The following UGT1A10 variants were observed in gnomAD, a reference collection of about 807,000 sequenced individuals.
The protein encoded by UGT1A10 is UDP-glucuronosyltransferase 1A10.
UGT1A10 carries 49 observed loss-of-function variants against 45.8 expected under a neutral mutation model. That is an observed-to-expected ratio of 1.07 (90% CI 0.85 to 1.36). UGT1A10 has a LOEUF of 1.36. UGT1A10 is among the 40% of genes most tolerant of loss of function. The pLI is 0.00. For synonymous variants in UGT1A10, 284 were observed against 249.7 expected, an observed-to-expected ratio of 1.14 and a Z score of -1.29; for missense variants, 745 against 668.6, an observed-to-expected ratio of 1.11 and a Z score of -1.26.
chr2:233,732,686 C>T (rs1472057155), intron 1 of UGT1A10, among the ~76,000 whole-genome samples: 1 of 151,722 alleles, frequency 6.6e-6, no homozygotes, highest in African/African-American at 2.4e-5. Flanking sequence ...GGTACCAGCA[C>T]CCATGCTGTT....
intron 1 of UGT1A10, among the ~76,000 whole-genome samples, chr2:233,662,551 T>A (rs1333378441): frequency 6.6e-6 from 1 of 152,224 alleles, no homozygotes; most frequent in Non-Finnish European, 1.5e-5. Flanking sequence ...TTTGTTGGAA[T>A]TTCCCCATAG....
intron 1 of UGT1A10, chr2:233,729,068 A>C: frequency 6.2e-7 from 1 of 1,611,394 alleles, no homozygotes. Context: ...AGATGAAGAA[A>C]GCAAATGTAG....
intron 1 of UGT1A10, among the ~76,000 whole-genome samples, chr2:233,765,077 C>T (rs1698745230): frequency 6.6e-6 from 1 of 152,130 alleles, no homozygotes; most frequent in South Asian, 2.1e-4. Context: ...TCCTGTGTCT[C>T]ACATCTAGGG....
intron 1 of UGT1A10, among the ~76,000 whole-genome samples, 196 bp from the exon 2 acceptor site, chr2:233,766,838 C>CCCTTCCTCCTTTAGAAG (rs1182719018): frequency 3.9e-5 from 6 of 152,156 alleles, no homozygotes; most frequent in African/African-American, 1.2e-4. Context: ...TAAGCAGGAA[C>CCCTTCCTCCTTTAGAAG]CCTTCCTCCT....
intron 1 of UGT1A10, among the ~76,000 whole-genome samples, chr2:233,739,944 C>A (rs937638963): frequency 6.6e-6 from 1 of 151,864 alleles, no homozygotes; most frequent in Non-Finnish European, 1.5e-5. Context: ...AGGTTGGTAC[C>A]TGGTGGGAGC....
chr2:233,648,890 T>C lies in UGT1A10; in HGVS notation c.855+11513T>C, dbSNP rs184840282. ...TCTGAAATTCTCCAAACACCTGTCATGGCATATGATCTCTACAGCCACACA... is the reference window on the plus strand; with the variant it reads ...TCTGAAATTCTCCAAACACCTGTCACGGCATATGATCTCTACAGCCACACA... On this transcript the variant is annotated intron_variant, in intron 1 of 4. Transcript: ENST00000344644. The C allele has an allele frequency of 5.2e-3, 6,847 of 1,307,478 alleles. 95 individuals are homozygous for C. The highest frequency in any genetic ancestry group is 6.8e-3 in the Non-Finnish European group (6,300 of 921,502). The allele number at this position is 1,307,478 out of a possible 1,614,324, so 81.0% of individuals were successfully genotyped here.
At chr2:233,751,528 T>C (rs1694749369) in intron 1 of UGT1A10, among the ~76,000 whole-genome samples, 1 of 152,240 alleles carries the variant, frequency 6.6e-6, no homozygotes, top group Admixed American at 6.5e-5. Context: ...ATGATATGGT[T>C]TGACTCTGTG....
chr2:233,724,617 C>G (rs553228713), intron 1 of UGT1A10, among the ~76,000 whole-genome samples: 1 of 135,362 alleles, frequency 7.4e-6, no homozygotes, highest in South Asian at 2.8e-4. Flanking sequence ...CGGGCAGAGA[C>G]GCTCCTCACT....
rs562366711 is a variant in UGT1A10 at position 233,731,551 on chromosome 2, T to C, written c.856-35483T>C. On this transcript the variant is annotated intron_variant, in intron 1 of 4. Transcript: ENST00000344644. The stretch of plus-strand genomic sequence containing the variant: ...CATGCGGTGTTTGGTTTTCTGTCCA[T>C]GTGATAGTTTGCTGAGAATGATGGT... 4.6e-5 allele frequency among the ~76,000 whole-genome samples: 7 copies of C among 152,330 alleles called. 1 individual carries two copies. In the East Asian group the frequency reaches 1.4e-3, roughly 29 times the overall value.
chr2:233,666,632 GTTTTTATTTTTTTA>G (rs1254980431), intron 1 of UGT1A10, among the ~76,000 whole-genome samples: 2 of 151,074 alleles, frequency 1.3e-5, no homozygotes, highest in Non-Finnish European at 3.0e-5. Flanking sequence ...TTGTTTGTTT[GTTTTTATTTTTTTA>G]TTTTTATTTT....
At chr2:233,688,266 T>C (rs1419667563) in intron 1 of UGT1A10, among the ~76,000 whole-genome samples, 1 of 152,266 alleles carries the variant, frequency 6.6e-6, no homozygotes, top group African/African-American at 2.4e-5. Flanking sequence ...CATGGCCGAA[T>C]ATTCCATTGT....
intron 1 of UGT1A10, among the ~76,000 whole-genome samples, chr2:233,649,440 G>A (rs752663272): frequency 6.6e-6 from 1 of 152,168 alleles, no homozygotes; most frequent in East Asian, 1.9e-4. Context: ...ACTACCTGCT[G>A]CAGTAAAATG....
intron 1 of UGT1A10, among the ~76,000 whole-genome samples, chr2:233,680,356 G>A (rs76604620): frequency 4.1e-4 from 63 of 152,284 alleles, no homozygotes; most frequent in Non-Finnish European, 8.4e-4. Context: ...CATATCACAT[G>A]CATTTAGGCC....
intron 1 of UGT1A10, among the ~76,000 whole-genome samples, chr2:233,651,821 A>G (rs1281933332): frequency 6.6e-6 from 1 of 152,204 alleles, no homozygotes; most frequent in African/African-American, 2.4e-5. Context: ...GTGCATGCAC[A>G]CATGTGTCAG....
intron 1 of UGT1A10, among the ~76,000 whole-genome samples, chr2:233,649,965 T>C (rs2073698440): frequency 6.6e-6 from 1 of 152,028 alleles, no homozygotes; most frequent in Non-Finnish European, 1.5e-5. Context: ...TACTTCAAGG[T>C]TTTTTGTTTG....
chr2:233,737,815 G>A lies in UGT1A10; in HGVS notation c.856-29219G>A, dbSNP rs147002980. Among the ~76,000 whole-genome samples, 731 of 152,128 alleles carry A rather than the reference G, an allele frequency of 4.8e-3. 11 individuals carry two copies. The highest frequency in any genetic ancestry group is 0.017 in the African/African-American group (690 of 41,476). On this transcript the variant is annotated intron_variant, in intron 1 of 4. Coordinates refer to ENST00000344644, the MANE Select transcript of UGT1A10 (RefSeq NM_019075.4). ...AAATCTTCACTATCATCTCAGTGGA[G>A]CAGAACAAATTGGGAACTGTGGCAC...
chr2:233,694,710 C>T (rs934435713), intron 1 of UGT1A10, among the ~76,000 whole-genome samples: 1 of 152,132 alleles, frequency 6.6e-6, no homozygotes, highest in African/African-American at 2.4e-5. Flanking sequence ...TTCTTTACAC[C>T]TGCTGATTTC....
In UGT1A10 at chr2:233,716,496, CA is replaced by C. The variant is rs1188662406; in HGVS notation, c.856-50537del. On this transcript the variant is annotated intron_variant, in intron 1 of 4. Transcript: ENST00000344644. Reference sequence around the variant, plus strand: ...CTGTCCTCCGTAGTCTTCTATTCTCCAGGCTTCAGAGCTCTCAGCTTACCAT... The same window carrying C: ...CTGTCCTCCGTAGTCTTCTATTCTCCGGCTTCAGAGCTCTCAGCTTACCAT... Among the ~76,000 whole-genome samples the C allele has an allele frequency of 2.0e-5, 3 of 152,150 alleles. No individual in the cohort carries two copies. In the East Asian group the frequency reaches 5.8e-4, roughly 29 times the overall value.
Position 233,691,144 on chromosome 2 carries a change from G to C in UGT1A10, c.855+53767G>C, listed in dbSNP as rs946749152. 3 of 985,646 alleles carry C rather than the reference G, an allele frequency of 3.0e-6. No homozygotes were observed. The African/African-American group carries it at 5.2e-5, about 17-fold the overall frequency. The allele number at this position is 985,646 out of a possible 1,614,324, so 61.1% of individuals were successfully genotyped here. ...AAGCCATTCTTCCTCTAGATGAACT[G>C]TTCTTTGAAGGAAACCTGCCTAATG... On this transcript the variant is annotated intron_variant, in intron 1 of 4. Coordinates refer to ENST00000344644, the MANE Select transcript of UGT1A10 (RefSeq NM_019075.4).
Sources: allele counts gnomAD v4.1 joint callset (sites outside exome capture counted in the v4.1 genomes callset), GRCh38; gene constraint gnomAD v4.1.1; transcripts MANE v1.5; gene names NCBI Gene and HGNC (gene_info 2026-07-23, HGNC 2026-07-21).